The following TRIM55 variants were observed in gnomAD, a reference collection of about 807,000 sequenced individuals.
The protein encoded by TRIM55 is tripartite motif-containing protein 55.
A neutral mutation model predicts 60.9 loss-of-function variants in TRIM55; 50 were observed. The ratio of observed to expected loss-of-function variants is 0.82; its 90% CI spans 0.65 to 1.04. The LOEUF (loss-of-function observed/expected upper bound fraction) is 1.04. TRIM55 is among the 50% of genes least tolerant of loss of function. The pLI, the probability that TRIM55 is intolerant of heterozygous loss-of-function variation, is 0.00. For missense variants in TRIM55, 681 were observed against 666.9 expected, an observed-to-expected ratio of 1.02 and a Z score of -0.23; for synonymous variants, 237 against 238.1, an observed-to-expected ratio of 1.00 and a Z score of 0.04.
intron 4 of TRIM55, among the ~76,000 whole-genome samples, chr8:66,137,758 G>GAAA (rs34634925): frequency 0.028 from 3,309 of 116,230 alleles, 51 homozygotes; most frequent in Non-Finnish European, 0.045. Context: ...AATCAACACT[G>GAAA]AAAAAAAAAA....
chr8:66,155,105 T>C (rs928453282), intron 9 of TRIM55, among the ~76,000 whole-genome samples: 1 of 152,212 alleles, frequency 6.6e-6, no homozygotes, highest in Non-Finnish European at 1.5e-5. Flanking sequence ...TTAAATGATG[T>C]GTAGGGTGTG....
intron 9 of TRIM55, among the ~76,000 whole-genome samples, chr8:66,170,392 A>C (rs1168643050): frequency 1.3e-5 from 2 of 152,206 alleles, no homozygotes; most frequent in Admixed American, 1.3e-4. Flanking sequence ...AGGTTCATCC[A>C]CATTGTAGCA....
intron 4 of TRIM55, among the ~76,000 whole-genome samples, chr8:66,138,084 G>GGTCAT (rs960337896): frequency 6.6e-6 from 1 of 152,164 alleles, no homozygotes; most frequent in African/African-American, 2.4e-5. Context: ...TAAGATTTGG[G>GGTCAT]GTCATTGTTT....
At chr8:66,128,543 TG>T in intron 2 of TRIM55, 67 bp downstream of exon 2, 1 of 1,527,844 alleles carries the variant, frequency 6.5e-7, no homozygotes, top group African/African-American at 1.4e-5. Flanking sequence ...TTTGTTTTAA[TG>T]GGTTGCTACG....
Position 66,174,510 on chromosome 8 carries a change from G to T in TRIM55, c.1564G>T (p.Ala522Ser). The T allele has an allele frequency of 6.2e-7, 1 of 1,612,476 alleles. No individual in the cohort carries two copies. Among genetic ancestry groups the T allele is most frequent in the South Asian group, 1.1e-5 (1 of 90,852 alleles). The change falls in exon 10 of 10, where the codon GCT becomes TCT. Residue 522 changes from alanine to serine, a missense_variant. Ala to Ser is a moderately conservative substitution (Grantham distance 99). Transcript: ENST00000315962. Reference protein sequence around the residue: ...EAPPLQGQAAAPASGSGADSE... With the variant: ...EAPPLQGQAASPASGSGADSE... ...TCCTCCCCTCCAGGGACAGGCTGCA[G>T]CTCCAGCGAGTGGCAGTGGAGCTGA...
At chr8:66,173,842 A>T (rs1319463968) in intron 9 of TRIM55, among the ~76,000 whole-genome samples, 1 of 152,154 alleles carries the variant, frequency 6.6e-6, no homozygotes, top group Non-Finnish European at 1.5e-5. Context: ...AAAGATAATT[A>T]TTTCTTTAGA....
chr8:66,155,589 A>G, intron 9 of TRIM55: 1 of 1,411,564 alleles, frequency 7.1e-7, no homozygotes, highest in Non-Finnish European at 9.9e-7. Context: ...ATTTGTGATA[A>G]TATCAGTGAA....
chr8:66,160,090 G>A (rs981847696), intron 9 of TRIM55, among the ~76,000 whole-genome samples: 3 of 151,754 alleles, frequency 2.0e-5, no homozygotes, highest in African/African-American at 4.8e-5. Flanking sequence ...TGAGATTTTG[G>A]TGCACCCAAG....
chr8:66,160,356 G>GGGGT (rs139517166), intron 9 of TRIM55, among the ~76,000 whole-genome samples: 1 of 145,968 alleles, frequency 6.9e-6, no homozygotes, highest in African/African-American at 2.5e-5. Context: ...AGTATTCCAT[G>GGGGT]GTGTGTGTGT....
chr8:66,144,603 A>C (rs753333997), intron 4 of TRIM55, among the ~76,000 whole-genome samples: 3 of 152,236 alleles, frequency 2.0e-5, no homozygotes, highest in Non-Finnish European at 4.4e-5. Context: ...CAGACATCAA[A>C]AGGAAGAAAA....
At chr8:66,155,717 A>T (rs762873795) in intron 9 of TRIM55, 1 of 1,575,622 alleles carries the variant, frequency 6.3e-7, no homozygotes, top group South Asian at 1.1e-5. Flanking sequence ...ATGGGTAGGA[A>T]ATATTTTCTT....
chr8:66,165,210 C>A (rs1811262582), intron 9 of TRIM55, among the ~76,000 whole-genome samples: 2 of 152,080 alleles, frequency 1.3e-5, no homozygotes, highest in Admixed American at 6.6e-5. Flanking sequence ...GAGGAGCAAC[C>A]TTTGTGAGCC....
intron 4 of TRIM55, among the ~76,000 whole-genome samples, chr8:66,142,616 A>G (rs1231659721): frequency 6.6e-6 from 1 of 152,236 alleles, no homozygotes; most frequent in Non-Finnish European, 1.5e-5. Context: ...CAAGAACCCC[A>G]AGAGTAAGTG....
At chr8:66,113,502 A>G in the TRIM55 span, 1 of 456,046 alleles carries the variant, frequency 2.2e-6, no homozygotes, top group Non-Finnish European at 4.4e-6. Context: ...GACTTATGGC[A>G]CTTTCCTTGG....
chr8:66,129,721 A>G (rs1393888993), intron 2 of TRIM55, among the ~76,000 whole-genome samples: 4 of 152,226 alleles, frequency 2.6e-5, no homozygotes, highest in Non-Finnish European at 5.9e-5. Flanking sequence ...GTCTCTTAAA[A>G]ACTTAACCAG....
chr8:66,130,273 T>A (rs1431952747), intron 2 of TRIM55, among the ~76,000 whole-genome samples: 1 of 152,214 alleles, frequency 6.6e-6, no homozygotes, highest in Admixed American at 6.5e-5. Flanking sequence ...TTTCCAACAA[T>A]AAAGCTCATA....
At chr8:66,154,729 T>G (rs555241632) in intron 9 of TRIM55, among the ~76,000 whole-genome samples, 1 of 152,184 alleles carries the variant, frequency 6.6e-6, no homozygotes, top group Non-Finnish European at 1.5e-5. Flanking sequence ...TAAAGACTAA[T>G]CCCCTGCTTT....
At chr8:66,162,603 C>A (rs1036307956) in intron 9 of TRIM55, among the ~76,000 whole-genome samples, 2 of 151,598 alleles carry the variant, frequency 1.3e-5, no homozygotes, top group Non-Finnish European at 2.9e-5. Flanking sequence ...GGTACCAATT[C>A]TTCTTTGAAT....
chr8:66,140,082 G>A (rs906163164), intron 4 of TRIM55, among the ~76,000 whole-genome samples: 2 of 152,192 alleles, frequency 1.3e-5, no homozygotes, highest in Admixed American at 6.5e-5. Flanking sequence ...AGGAGCAATA[G>A]ATTGTGCTAT....
Sources: allele counts gnomAD v4.1 joint callset (sites outside exome capture counted in the v4.1 genomes callset), GRCh38; gene constraint gnomAD v4.1.1; transcripts MANE v1.5; gene names NCBI Gene and HGNC (gene_info 2026-07-23, HGNC 2026-07-21).